Variants in PHTF2 observed in about 807,000 individuals in gnomAD.
PHTF2 encodes the protein protein PHTF2.
PHTF2 carries 60 observed loss-of-function variants against 101.2 expected under a neutral mutation model. The ratio of observed to expected loss-of-function variants is 0.59; its 90% CI spans 0.48 to 0.73. The LOEUF (loss-of-function observed/expected upper bound fraction) is 0.73. Among genes scored for constraint, PHTF2 ranks in the 30% least tolerant of loss-of-function variants. The pLI is 0.00. For synonymous variants in PHTF2, 311 were observed against 307.3 expected (o/e 1.01, Z -0.13); for missense variants, 747 against 908.7 (o/e 0.82, Z 2.29).
intron 1 of PHTF2, among the ~76,000 whole-genome samples, chr7:77,824,612 A>G (rs1489206848): frequency 1.3e-5 from 2 of 152,126 alleles, no homozygotes; most frequent in African/African-American, 4.8e-5. Flanking sequence ...TTTAGTAGAG[A>G]TGTTTCACCA....
intron 13 of PHTF2, among the ~76,000 whole-genome samples, chr7:77,939,345 C>G (rs1297245248): frequency 6.6e-6 from 1 of 151,976 alleles, no homozygotes; most frequent in Admixed American, 6.6e-5. Flanking sequence ...TTGGCTTATG[C>G]CTGTAATCTC....
At chr7:77,954,813 G>A (rs776896896) in intron 19 of PHTF2, 45 bp from the exon 19 acceptor site, 7 of 1,120,246 alleles carry the variant, frequency 6.2e-6, no homozygotes, top group Middle Eastern at 2.0e-4. Context: ...TTTAAGCTTT[G>A]ATATTAAAAC....
At chr7:77,884,620 G>A (rs1329767796) in intron 3 of PHTF2, among the ~76,000 whole-genome samples, 1 of 152,132 alleles carries the variant, frequency 6.6e-6, no homozygotes, top group Non-Finnish European at 1.5e-5. Flanking sequence ...TGTTGGGCTG[G>A]GCGCAGTGGC....
chr7:77,929,735 G>A (rs1164762628), intron 12 of PHTF2, among the ~76,000 whole-genome samples: 1 of 152,082 alleles, frequency 6.6e-6, no homozygotes, highest in Non-Finnish European at 1.5e-5. Flanking sequence ...TATTATGAGA[G>A]TCAGATGTAT....
At chr7:77,857,246 T>C (rs1797256664) in intron 3 of PHTF2, among the ~76,000 whole-genome samples, 1 of 152,182 alleles carries the variant, frequency 6.6e-6, no homozygotes, top group African/African-American at 2.4e-5. Context: ...GAGCTACCTC[T>C]AGATGTGTTA....
chr7:77,936,964 G>T (rs1186087177), intron 12 of PHTF2, among the ~76,000 whole-genome samples: 1 of 151,880 alleles, frequency 6.6e-6, no homozygotes, highest in Non-Finnish European at 1.5e-5. Flanking sequence ...GGCCAACATG[G>T]TGAAACCCCG....
chr7:77,845,402 G>A lies in PHTF2; in HGVS notation c.45+5102G>A, dbSNP rs540154121. 4.6e-5 allele frequency among the ~76,000 whole-genome samples: 7 copies of A among 152,316 alleles called. No individual in the cohort carries two copies. In the South Asian group the frequency reaches 1.2e-3, roughly 27 times the overall value. ...GAATTTAGCTTATAGGGCTGAGGAA[G>A]AACTGTATGATACAGATCTTGGTCA... On this transcript the variant is annotated intron_variant, in intron 2 of 19. Coordinates refer to ENST00000416283, the Ensembl canonical transcript of PHTF2.
intron 9 of PHTF2, among the ~76,000 whole-genome samples, chr7:77,917,876 T>A (rs1803080773): frequency 6.6e-6 from 1 of 152,234 alleles, no homozygotes; most frequent in Non-Finnish European, 1.5e-5. Flanking sequence ...GTTTGCAACT[T>A]ACCTTCATAG....
chr7:77,848,215 T>C (rs1796461749), intron 2 of PHTF2, among the ~76,000 whole-genome samples: 1 of 152,158 alleles, frequency 6.6e-6, no homozygotes, highest in Non-Finnish European at 1.5e-5. Flanking sequence ...TATTTTGGGG[T>C]ATATACCTAG....
intron 7 of PHTF2, among the ~76,000 whole-genome samples, chr7:77,905,225 T>C (rs1188626868): frequency 6.6e-6 from 1 of 152,168 alleles, no homozygotes; most frequent in Non-Finnish European, 1.5e-5. Flanking sequence ...TATTCCATTC[T>C]ATTCTATTCT....
At chr7:77,906,953 G>T (rs1263759535) in intron 7 of PHTF2, among the ~76,000 whole-genome samples, 1 of 103,256 alleles carries the variant, frequency 9.7e-6, no homozygotes, top group Admixed American at 9.5e-5. Context: ...AAAAAAAAAA[G>T]CTACTATTCA....
chr7:77,893,508 T>G, intron 3 of PHTF2, 100 bp from the exon 3 acceptor site: 1 of 544,106 alleles, frequency 1.8e-6, no homozygotes, highest in Non-Finnish European at 3.3e-6. Flanking sequence ...AAATCTAATC[T>G]GTGCTGAATG....
At chr7:77,810,867 T>C (rs889946736) in intron 1 of PHTF2, among the ~76,000 whole-genome samples, 2 of 151,948 alleles carry the variant, frequency 1.3e-5, no homozygotes, top group Admixed American at 6.6e-5. Context: ...ATTGGTTGAT[T>C]TTTTCCTCAT....
intron 3 of PHTF2, among the ~76,000 whole-genome samples, chr7:77,878,221 T>C (rs1455677068): frequency 6.6e-6 from 1 of 152,042 alleles, no homozygotes; most frequent in Non-Finnish European, 1.5e-5. Context: ...TTTAGGATAA[T>C]TTGGCAAGCA....
intron 9 of PHTF2, 115 bp downstream of exon 8, chr7:77,910,524 T>G: frequency 1.4e-6 from 1 of 732,284 alleles, no homozygotes; most frequent in Non-Finnish European, 2.2e-6. Flanking sequence ...TCATTATGGA[T>G]TTTGTTTTGA....
At chr7:77,951,763 T>C in intron 18 of PHTF2, 51 bp downstream of exon 17, 1 of 776,902 alleles carries the variant, frequency 1.3e-6, no homozygotes, top group Non-Finnish European at 2.1e-6. Context: ...TGTTCTGACA[T>C]AATTTTATTT....
chr7:77,850,970 C>T (rs1013562689), intron 2 of PHTF2, among the ~76,000 whole-genome samples: 2 of 152,152 alleles, frequency 1.3e-5, no homozygotes, highest in African/African-American at 2.4e-5. Context: ...ATAAATCCTA[C>T]TTGGTCATGA....
Position 77,840,280 on chromosome 7 carries a change from A to G in PHTF2, c.25A>G (p.Ile9Val), listed in dbSNP as rs778356622. Reference sequence around the variant, plus strand: ...AATGGCGTCCAAAGTCACAGATGCTATAGTCTGGTATCAAAAGAAGGTAAG... The same window carrying G: ...AATGGCGTCCAAAGTCACAGATGCTGTAGTCTGGTATCAAAAGAAGGTAAG... Residue 9 changes from isoleucine to valine, a missense_variant, in exon 2 of 20, where the codon ATA (isoleucine) becomes GTA (valine). Ile to Val is a conservative substitution (Grantham distance 29). Coordinates refer to ENST00000416283, the Ensembl canonical transcript of PHTF2. 32 of 1,608,576 alleles carry G rather than the reference A, an allele frequency of 2.0e-5. No individual in the cohort carries two copies. The highest frequency in any genetic ancestry group is 2.2e-5 in the Non-Finnish European group (26 of 1,175,406).
chr7:77,902,215 C>T (rs536181881), intron 7 of PHTF2, among the ~76,000 whole-genome samples: 2 of 152,102 alleles, frequency 1.3e-5, no homozygotes, highest in Non-Finnish European at 2.9e-5. Flanking sequence ...TACATACATA[C>T]CAGTCTTTTA....
Sources: gnomAD v4.1 joint callset for allele counts (sites outside exome capture counted in the v4.1 genomes callset) on GRCh38, gnomAD v4.1.1 for gene constraint, MANE v1.5 for transcripts, NCBI Gene and HGNC (gene_info 2026-07-23, HGNC 2026-07-21) for gene names.